The following ALMS1 variants were observed in gnomAD, a reference collection of about 807,000 sequenced individuals.
The protein encoded by ALMS1 is centrosome-associated protein ALMS1.
ALMS1 carries 271 observed loss-of-function variants against 352.2 expected under a neutral mutation model. The ratio of observed to expected loss-of-function variants is 0.77; its 90% CI spans 0.70 to 0.85. ALMS1 has a LOEUF of 0.85. ALMS1 is among the 40% of genes least tolerant of loss of function. The probability of loss-of-function intolerance (pLI) is 0.00; values close to 1 mark genes in which losing one functional copy is unlikely to be tolerated. For missense variants in ALMS1, 5,445 were observed against 4,870.7 expected (o/e 1.12, Z -3.51); for synonymous variants, 1,865 against 1,761.2 (o/e 1.06, Z -1.48).
intron 16 of ALMS1, among the ~76,000 whole-genome samples, chr2:73,587,136 A>G (rs1675330812): frequency 6.6e-6 from 1 of 152,138 alleles, no homozygotes; most frequent in African/African-American, 2.4e-5. Flanking sequence ...TGTATCCTGT[A>G]ACTTTACTGA....
At chr2:73,553,081 C>T (rs1674472012) in intron 13 of ALMS1, among the ~76,000 whole-genome samples, 1 of 152,040 alleles carries the variant, frequency 6.6e-6, no homozygotes, top group Non-Finnish European at 1.5e-5. Flanking sequence ...CATAAAAATA[C>T]ACACCGAGGC....
chr2:73,584,268 T>C (rs1404798572), intron 16 of ALMS1, among the ~76,000 whole-genome samples: 2 of 152,354 alleles, frequency 1.3e-5, no homozygotes, highest in East Asian at 1.9e-4. Flanking sequence ...ATAGTAGTAG[T>C]ATTACTATAT....
At chr2:73,578,652 A>T (rs568007067) in intron 16 of ALMS1, among the ~76,000 whole-genome samples, 1 of 152,224 alleles carries the variant, frequency 6.6e-6, no homozygotes, top group East Asian at 1.9e-4. Flanking sequence ...ATACATCTCT[A>T]TTCTTCCCCT....
At chr2:73,397,602 G>T (rs1224022030) in intron 1 of ALMS1, among the ~76,000 whole-genome samples, 2 of 152,032 alleles carry the variant, frequency 1.3e-5, no homozygotes, top group Non-Finnish European at 2.9e-5. Flanking sequence ...TGAGTAGCTG[G>T]GTTTACAGGC....
At chr2:73,393,271 C>T (rs937746096) in intron 1 of ALMS1, among the ~76,000 whole-genome samples, 4 of 151,968 alleles carry the variant, frequency 2.6e-5, no homozygotes, top group African/African-American at 9.7e-5. Flanking sequence ...ACTATGTTTT[C>T]TTTGAGATTT....
chr2:73,478,549 A>G (rs967463025), intron 9 of ALMS1, among the ~76,000 whole-genome samples: 5 of 152,206 alleles, frequency 3.3e-5, no homozygotes, highest in African/African-American at 7.2e-5. Flanking sequence ...TATCAAGGCA[A>G]TAAGAAGCCA....
intron 16 of ALMS1, among the ~76,000 whole-genome samples, chr2:73,581,180 A>C (rs62149779): frequency 6.6e-6 from 1 of 152,100 alleles, no homozygotes; most frequent in Middle Eastern, 3.2e-3. Context: ...TAGTATGTCT[A>C]TTGTTTCCCT....
intron 13 of ALMS1, among the ~76,000 whole-genome samples, chr2:73,551,845 C>T (rs1674442566): frequency 1.3e-5 from 2 of 152,084 alleles, no homozygotes. Flanking sequence ...ACTGAAAATT[C>T]TGTGTGTATA....
rs59142434 is a variant in ALMS1 at position 73,603,454 on chromosome 2, G to GA, written c.12362+162dup. On this transcript the variant is annotated intron_variant, in intron 21 of 22. Coordinates refer to ENST00000613296, the MANE Select transcript of ALMS1 (RefSeq NM_001378454.1). ...AGAGTCATTTCTCACTTATGGCACT[G>GA]AAAAAAAAAAAAGCACATCATGGTA... 0.25 allele frequency: 136,630 copies of GA among 550,118 alleles called. 8,969 individuals are homozygous for GA. Among genetic ancestry groups the GA allele is most frequent in the African/African-American group, 0.52 (25,868 of 50,184 alleles). The allele number at this position is 550,118 out of a possible 1,614,324, so 34.1% of individuals were successfully genotyped here. A position where few individuals can be genotyped will look rare whatever the true frequency, so the allele number is the denominator to read the frequency against.
At chr2:73,557,111 T>G in intron 13 of ALMS1, 109 bp from the exon 14 acceptor site, 1 of 1,488,900 alleles carries the variant, frequency 6.7e-7, no homozygotes, top group South Asian at 1.1e-5. Flanking sequence ...ACTTTTTTCC[T>G]AATATGTAAA....
At chr2:73,590,230 C>T (rs1349093198) in intron 16 of ALMS1, among the ~76,000 whole-genome samples, 2 of 151,972 alleles carry the variant, frequency 1.3e-5, no homozygotes, top group Admixed American at 6.6e-5. Context: ...CTTTAATAAG[C>T]TTTTCTCAGA....
Position 73,608,472 on chromosome 2 carries a change from A to G in ALMS1, c.12363-3A>G. On this transcript the variant is annotated splice_region_variant and splice_polypyrimidine_tract_variant and intron_variant, in intron 21 of 22. Transcript: ENST00000613296. The stretch of plus-strand genomic sequence containing the variant: ...CTGTCCTTTCACTGGTGCCATTTCT[A>G]AGGATTTATGAGCAGCTTCCAGAAG... 6.2e-7 allele frequency: 1 copy of G among 1,612,372 alleles called. No homozygotes were observed. The highest frequency in any genetic ancestry group is 8.5e-7 in the Non-Finnish European group (1 of 1,178,582).
At chr2:73,426,668 A>T (rs192846991) in intron 6 of ALMS1, 115 bp downstream of exon 6, 2 of 1,047,732 alleles carry the variant, frequency 1.9e-6, no homozygotes, top group African/African-American at 1.6e-5. Context: ...TACATGACCA[A>T]TGTCATTTGA....
chr2:73,470,331 A>G (rs988355035), intron 9 of ALMS1: 4 of 151,660 alleles, frequency 2.6e-5, no homozygotes, highest in Non-Finnish European at 4.4e-5. Flanking sequence ...TATCATTAGA[A>G]ACTTCCCTCT....
intron 7 of ALMS1, among the ~76,000 whole-genome samples, chr2:73,436,716 A>G (rs1223166628): frequency 6.6e-6 from 1 of 151,884 alleles, no homozygotes; most frequent in African/African-American, 2.4e-5. Context: ...TCAGCCTTAG[A>G]ATTTCCATTT....
chr2:73,520,895 A>C (rs1301710269), intron 11 of ALMS1, among the ~76,000 whole-genome samples: 2 of 152,228 alleles, frequency 1.3e-5, no homozygotes, highest in Non-Finnish European at 1.5e-5. Flanking sequence ...ATTCTTCCCC[A>C]AATGAAGATG....
intron 9 of ALMS1, among the ~76,000 whole-genome samples, chr2:73,474,542 T>G (rs780393): frequency 3.3e-5 from 5 of 151,776 alleles, no homozygotes; most frequent in Non-Finnish European, 5.9e-5. Flanking sequence ...TGGCTGGATC[T>G]TAGCTCACTG....
intron 9 of ALMS1, among the ~76,000 whole-genome samples, chr2:73,480,702 AGT>A (rs1672681780): frequency 6.7e-6 from 1 of 150,280 alleles, no homozygotes; most frequent in Admixed American, 6.6e-5. Context: ...ACAGTGTAAA[AGT>A]GTTCCTATTT....
At chr2:73,483,066 A>T (rs1361164327) in intron 9 of ALMS1, among the ~76,000 whole-genome samples, 1 of 149,878 alleles carries the variant, frequency 6.7e-6, no homozygotes, top group Admixed American at 6.6e-5. Context: ...TTGTGTCTCT[A>T]TTTCCTTCAG....
Sources: gnomAD v4.1 joint callset for allele counts (sites outside exome capture counted in the v4.1 genomes callset) on GRCh38, gnomAD v4.1.1 for gene constraint, MANE v1.5 for transcripts, NCBI Gene and HGNC (gene_info 2026-07-23, HGNC 2026-07-21) for gene names.